The following CLIC5 variants were observed in gnomAD, a reference collection of about 807,000 sequenced individuals.
CLIC5 encodes CLIC family member 5.
CLIC5 carries 20 observed loss-of-function variants against 24.7 expected under a neutral mutation model. The observed-to-expected ratio is 0.81, with a 90% CI of 0.57 to 1.18. The LOEUF (loss-of-function observed/expected upper bound fraction) is 1.18, where lower values mean the gene tolerates loss of function less well. Ranked by LOEUF, CLIC5 falls within the 50% of genes most tolerant of loss-of-function variation. CLIC5 has a pLI of 0.00. For synonymous variants in CLIC5, 159 were observed against 135.6 expected (o/e 1.17, Z -1.20); for missense variants, 341 against 326.1 (o/e 1.05, Z -0.35).
At chr6:46,037,244 T>G (rs1002690266) in intron 1 of CLIC5, among the ~76,000 whole-genome samples, 9 of 152,172 alleles carry the variant, frequency 5.9e-5, no homozygotes, top group Admixed American at 3.9e-4. Context: ...TTGATTTGGT[T>G]CCAAAATCAA....
intron 1 of CLIC5, among the ~76,000 whole-genome samples, chr6:46,027,083 G>A (rs1033343160): frequency 2.6e-5 from 4 of 152,196 alleles, no homozygotes; most frequent in Admixed American, 6.5e-5. Flanking sequence ...GAATAAAACA[G>A]TTGTGAACAT....
Position 45,914,282 on chromosome 6 carries a change from C to G in CLIC5, c.534G>C (p.Gly178=). Residue 178 remains glycine (G), a synonymous_variant, in exon 5 of 6, where the codon GGG becomes GGC. Transcript: ENST00000339561. ...TGCAGTCAGCCAGGGTCAGCTCATC[C>G]CCATCCAGGAACTTGCGCCGGGACC... ...DKGSRRKFLD[G]DELTLADCNL... 6.2e-7 allele frequency: 1 copy of G among 1,610,616 alleles called. No homozygotes were observed. The highest frequency in any genetic ancestry group is 8.5e-7 in the Non-Finnish European group (1 of 1,177,584).
chr6:45,948,407 G>T (rs780961874), intron 3 of CLIC5, among the ~76,000 whole-genome samples: 1 of 152,016 alleles, frequency 6.6e-6, no homozygotes, highest in Non-Finnish European at 1.5e-5. Context: ...CTAGGATACC[G>T]ACTTCCCTCA....
intron 6 of CLIC5, among the ~76,000 whole-genome samples, chr6:45,888,864 A>G (rs1321360936): frequency 2.0e-5 from 3 of 152,330 alleles, no homozygotes; most frequent in East Asian, 3.9e-4. Context: ...TTAATTTTTT[A>G]TAAGTGGTAG....
At chr6:46,011,497 G>C (rs1385262850) in intron 1 of CLIC5, among the ~76,000 whole-genome samples, 2 of 152,218 alleles carry the variant, frequency 1.3e-5, no homozygotes, top group African/African-American at 4.8e-5. Context: ...GGCTTGGGGA[G>C]CAAACTGCCA....
intron 4 of CLIC5, among the ~76,000 whole-genome samples, chr6:45,926,396 C>T (rs955004483): frequency 2.0e-5 from 3 of 151,220 alleles, no homozygotes; most frequent in Non-Finnish European, 4.4e-5. Context: ...TACAGGCACC[C>T]GCCACCACAC....
the CLIC5 span, among the ~76,000 whole-genome samples, chr6:46,085,930 A>G: frequency 1.3e-5 from 2 of 152,148 alleles, no homozygotes; most frequent in African/African-American, 4.8e-5. Flanking sequence ...TTGTTTACCT[A>G]AGCAAGCCTG....
the CLIC5 span, among the ~76,000 whole-genome samples, chr6:46,087,925 A>G: frequency 6.6e-6 from 1 of 152,184 alleles, no homozygotes; most frequent in Non-Finnish European, 1.5e-5. Flanking sequence ...TGTCATCACT[A>G]TCATTCTGCC....
At chr6:45,986,855 C>A (rs1201451764) in intron 1 of CLIC5, among the ~76,000 whole-genome samples, 1 of 152,160 alleles carries the variant, frequency 6.6e-6, no homozygotes, top group African/African-American at 2.4e-5. Context: ...TATAAAGAGG[C>A]AGTAAATGTG....
intron 4 of CLIC5, among the ~76,000 whole-genome samples, chr6:45,934,507 G>A (rs993582110): frequency 6.6e-6 from 1 of 152,162 alleles, no homozygotes; most frequent in African/African-American, 2.4e-5. Flanking sequence ...CTTAGTGCAG[G>A]TCGCCTGGGA....
At chr6:45,892,411 C>T (rs891545224) in intron 6 of CLIC5, among the ~76,000 whole-genome samples, 2 of 152,220 alleles carry the variant, frequency 1.3e-5, no homozygotes, top group Admixed American at 1.3e-4. Flanking sequence ...TTTTTTGTGT[C>T]ATGGCCAAGA....
At chr6:46,013,111 G>C (rs1053726196) in intron 1 of CLIC5, among the ~76,000 whole-genome samples, 9 of 152,160 alleles carry the variant, frequency 5.9e-5, no homozygotes, top group African/African-American at 2.2e-4. Context: ...GTGGAAACAA[G>C]AGGTTGGGAG....
chr6:45,928,329 G>A (rs1486486670), intron 4 of CLIC5, among the ~76,000 whole-genome samples: 2 of 152,174 alleles, frequency 1.3e-5, no homozygotes, highest in Non-Finnish European at 2.9e-5. Context: ...GCACCACCTG[G>A]ATTTCACATC....
chr6:46,017,264 C>T (rs966906748), upstream of CLIC5, among the ~76,000 whole-genome samples: 1 of 152,048 alleles, frequency 6.6e-6, no homozygotes, highest in Non-Finnish European at 1.5e-5. Context: ...TATGTCCTTC[C>T]TTACTAAAAA....
chr6:46,058,120 C>G (rs912108814), intron 1 of CLIC5, among the ~76,000 whole-genome samples: 1 of 151,966 alleles, frequency 6.6e-6, no homozygotes, highest in Non-Finnish European at 1.5e-5. Flanking sequence ...TCTCTTCCCA[C>G]CTATATTAAG....
At chr6:45,910,208 T>C (rs1339490591) in intron 5 of CLIC5, among the ~76,000 whole-genome samples, 1 of 152,176 alleles carries the variant, frequency 6.6e-6, no homozygotes, top group Non-Finnish European at 1.5e-5. Flanking sequence ...CTTGATAATC[T>C]CAATAATGAT....
intron 1 of CLIC5, among the ~76,000 whole-genome samples, chr6:46,045,774 A>G (rs1767937595): frequency 6.6e-6 from 1 of 152,128 alleles, no homozygotes; most frequent in African/African-American, 2.4e-5. Context: ...TATTTTTTAT[A>G]TCTTATAAAG....
At chr6:45,971,312 A>G (rs976080429) in intron 1 of CLIC5, among the ~76,000 whole-genome samples, 5 of 152,228 alleles carry the variant, frequency 3.3e-5, no homozygotes, top group Non-Finnish European at 7.3e-5. Flanking sequence ...CAATCAACAA[A>G]GCATATCACT....
chr6:45,958,969 A>ATACATACATACATAC (rs1189128311), intron 1 of CLIC5, among the ~76,000 whole-genome samples: 4 of 5,208 alleles, frequency 7.7e-4, no homozygotes, highest in Admixed American at 1.9e-3. Flanking sequence ...TACATACTAC[A>ATACATACATACATAC]TACATACATA....
Sources: gnomAD v4.1 joint callset for allele counts (sites outside exome capture counted in the v4.1 genomes callset) on GRCh38, gnomAD v4.1.1 for gene constraint, MANE v1.5 for transcripts, NCBI Gene and HGNC (gene_info 2026-07-23, HGNC 2026-07-21) for gene names.